Variants in ADARB2 observed in about 807,000 individuals in gnomAD.
ADARB2 encodes adenosine deaminase RNA specific B2 (inactive), also known as inactive double-stranded RNA-specific editase B2.
ADARB2 carries 25 observed loss-of-function variants against 62.2 expected under a neutral mutation model. The ratio of observed to expected loss-of-function variants is 0.40; its 90% CI spans 0.29 to 0.56. The LOEUF is 0.56. ADARB2 is among the 20% of genes least tolerant of loss of function. ADARB2 has a pLI of 0.43. For missense variants in ADARB2, 1,071 were observed against 1,077.4 expected, an observed-to-expected ratio of 0.99 and a Z score of 0.08; for synonymous variants, 572 against 500.8, an observed-to-expected ratio of 1.14 and a Z score of -1.90.
intron 1 of ADARB2, among the ~76,000 whole-genome samples, chr10:1,634,425 G>A (rs1311059956): frequency 1.3e-5 from 2 of 152,168 alleles, no homozygotes; most frequent in African/African-American, 2.4e-5. Flanking sequence ...CCTTGGAAAC[G>A]TGGACCCCCA....
Position 1,368,615 on chromosome 10 carries a change from C to T in ADARB2, c.188-4698G>A, listed in dbSNP as rs189310532. Reference sequence around the variant, plus strand: ...GGGAGTTTTGCTCCCTCAGAAGGGCCGAGAGCAGCATTAGCTTTTCCACAC... The same window carrying T: ...GGGAGTTTTGCTCCCTCAGAAGGGCTGAGAGCAGCATTAGCTTTTCCACAC... On this transcript the variant is annotated intron_variant, in intron 2 of 9. Coordinates refer to ENST00000381312, the MANE Select transcript of ADARB2 (RefSeq NM_018702.4). Among the ~76,000 whole-genome samples, 678 of 152,272 alleles carry T rather than the reference C, an allele frequency of 4.5e-3. 5 individuals are homozygous for T. Among genetic ancestry groups the T allele is most frequent in the Middle Eastern group, 0.031 (9 of 292 alleles).
chr10:1,595,728 G>A (rs971242266), intron 1 of ADARB2, among the ~76,000 whole-genome samples: 1 of 152,190 alleles, frequency 6.6e-6, no homozygotes, highest in South Asian at 2.1e-4. Flanking sequence ...CAATTCAGCC[G>A]AGAGACAAAA....
At chr10:1,627,500 T>G (rs1168913273) in intron 1 of ADARB2, among the ~76,000 whole-genome samples, 1 of 152,202 alleles carries the variant, frequency 6.6e-6, no homozygotes, top group Non-Finnish European at 1.5e-5. Flanking sequence ...TCTCAGTCCT[T>G]GCACAGACCC....
chr10:1,613,163 T>A (rs559177107), intron 1 of ADARB2, among the ~76,000 whole-genome samples: 1 of 152,238 alleles, frequency 6.6e-6, no homozygotes, highest in African/African-American at 2.4e-5. Flanking sequence ...CAGAGTAAGA[T>A]CTGTGGAAGG....
chr10:1,563,740 A>C (rs1832819976), intron 1 of ADARB2, among the ~76,000 whole-genome samples: 2 of 146,228 alleles, frequency 1.4e-5, no homozygotes, highest in African/African-American at 5.0e-5. Context: ...CTAACTCGTC[A>C]TCTAGCATTA....
intron 1 of ADARB2, among the ~76,000 whole-genome samples, chr10:1,507,855 T>G (rs1230217178): frequency 6.6e-6 from 1 of 152,156 alleles, no homozygotes; most frequent in Non-Finnish European, 1.5e-5. Flanking sequence ...CAGTCCTGGA[T>G]TTGACCATGG....
intron 1 of ADARB2, among the ~76,000 whole-genome samples, chr10:1,702,175 G>A (rs577186277): frequency 6.6e-5 from 10 of 152,176 alleles, no homozygotes; most frequent in Non-Finnish European, 1.0e-4. Context: ...GACTGATAAT[G>A]GAATTGTTCA....
At chr10:1,264,487 T>A (rs933509271) in intron 4 of ADARB2, among the ~76,000 whole-genome samples, 5 of 152,168 alleles carry the variant, frequency 3.3e-5, no homozygotes, top group African/African-American at 7.2e-5. Context: ...GTTTCTAAAG[T>A]GCAAATGGGA....
intron 1 of ADARB2, among the ~76,000 whole-genome samples, chr10:1,633,127 C>A (rs570178335): frequency 1.3e-5 from 2 of 152,266 alleles, no homozygotes; most frequent in East Asian, 3.9e-4. Flanking sequence ...TCTTCTGCCT[C>A]TGGACTCAGG....
At chr10:1,567,936 A>C (rs567893759) in intron 1 of ADARB2, among the ~76,000 whole-genome samples, 18 of 152,308 alleles carry the variant, frequency 1.2e-4, no homozygotes, top group African/African-American at 4.3e-4. Context: ...CTGCGGGAGC[A>C]GCTCAGAGAC....
intron 3 of ADARB2, among the ~76,000 whole-genome samples, chr10:1,347,905 T>TACGGAG (rs1261361997): frequency 6.6e-6 from 1 of 151,174 alleles, no homozygotes; most frequent in Non-Finnish European, 1.5e-5. Context: ...CAGAGAGGGA[T>TACGGAG]ACGGAGACAG....
chr10:1,607,013 TAAC>T (rs955552338), intron 1 of ADARB2, among the ~76,000 whole-genome samples: 3 of 152,196 alleles, frequency 2.0e-5, no homozygotes, highest in African/African-American at 4.8e-5. Flanking sequence ...TGAGGATTTT[TAAC>T]AACAACAAAA....
At chr10:1,313,793 A>G (rs1380793822) in intron 3 of ADARB2, among the ~76,000 whole-genome samples, 1 of 152,240 alleles carries the variant, frequency 6.6e-6, no homozygotes, top group Non-Finnish European at 1.5e-5. Flanking sequence ...GAGGTTTCAC[A>G]GAAACATGCT....
intron 1 of ADARB2, among the ~76,000 whole-genome samples, chr10:1,651,714 G>T (rs906621146): frequency 6.6e-6 from 1 of 152,232 alleles, no homozygotes; most frequent in African/African-American, 2.4e-5. Context: ...GCGAAGCGGG[G>T]CCTTACTGCC....
At chr10:1,516,560 TGCTGTGC>T (rs1832011997) in intron 1 of ADARB2, among the ~76,000 whole-genome samples, 2 of 151,714 alleles carry the variant, frequency 1.3e-5, no homozygotes, top group African/African-American at 4.8e-5. Context: ...GGCTGCTGTG[TGCTGTGC>T]GGGCTGCTCT....
At chr10:1,323,227 T>C (rs1044305124) in intron 3 of ADARB2, among the ~76,000 whole-genome samples, 5 of 148,858 alleles carry the variant, frequency 3.4e-5, no homozygotes, top group Admixed American at 3.3e-4. Context: ...ACTTCACAGA[T>C]TCTATGGGAT....
intron 1 of ADARB2, among the ~76,000 whole-genome samples, chr10:1,583,368 C>A (rs975784462): frequency 6.6e-6 from 1 of 152,164 alleles, no homozygotes; most frequent in Non-Finnish European, 1.5e-5. Context: ...GCTTTCAAGT[C>A]TGATTTATCA....
At chr10:1,323,813 A>G (rs1235808791) in intron 3 of ADARB2, among the ~76,000 whole-genome samples, 1 of 152,256 alleles carries the variant, frequency 6.6e-6, no homozygotes, top group Non-Finnish European at 1.5e-5. Flanking sequence ...GAAAAAATAA[A>G]GGAGAAAATC....
intron 6 of ADARB2, among the ~76,000 whole-genome samples, chr10:1,223,380 C>T (rs1384089888): frequency 6.6e-6 from 1 of 152,138 alleles, no homozygotes; most frequent in East Asian, 1.9e-4. Context: ...AATTTGACTT[C>T]CTCTTTTTCT....
Sources: gnomAD v4.1 joint callset for allele counts (sites outside exome capture counted in the v4.1 genomes callset) on GRCh38, gnomAD v4.1.1 for gene constraint, MANE v1.5 for transcripts, NCBI Gene and HGNC (gene_info 2026-07-23, HGNC 2026-07-21) for gene names.